Variants in CACNA1D observed in about 807,000 individuals in gnomAD.
CACNA1D encodes voltage-dependent L-type calcium channel subunit alpha-1D.
Under a neutral mutation model 257.1 loss-of-function variants are expected in CACNA1D, and 55 were observed. The observed-to-expected ratio is 0.21, with a 90% CI of 0.17 to 0.27. CACNA1D has a LOEUF of 0.27. CACNA1D is among the 10% of genes least tolerant of loss of function. The pLI, the probability that CACNA1D is intolerant of heterozygous loss-of-function variation, is 1.00. For missense variants in CACNA1D, 1,876 were observed against 2,784.0 expected (o/e 0.67, Z 7.34); for synonymous variants, 980 against 1,014.9 (o/e 0.97, Z 0.65).
intron 3 of CACNA1D, among the ~76,000 whole-genome samples, chr3:53,623,211 C>G (rs1248344975): frequency 6.6e-6 from 1 of 152,170 alleles, no homozygotes; most frequent in African/African-American, 2.4e-5. Flanking sequence ...AAAGAGAAAG[C>G]GCGGTGTATC....
intron 3 of CACNA1D, among the ~76,000 whole-genome samples, chr3:53,528,448 A>G (rs2091838635): frequency 6.6e-6 from 1 of 152,176 alleles, no homozygotes; most frequent in African/African-American, 2.4e-5. Context: ...AAGTCTAAAC[A>G]TTGGATTATA....
chr3:53,702,819 C>G lies in CACNA1D; in HGVS notation c.1390+9C>G. The G allele has an allele frequency of 6.2e-7, 1 of 1,613,992 alleles. No homozygotes were observed. The highest frequency in any genetic ancestry group is 8.5e-7 in the Non-Finnish European group (1 of 1,180,000). On this transcript the variant is annotated intron_variant, in intron 9 of 47. Transcript: ENST00000350061. ...GGAAGGCAAACGAAATAGTATGTAG[C>G]GCCTTTCCTGCCCCTGGCTAGACAG... is the stretch of plus-strand genomic sequence containing the variant.
At chr3:53,640,206 T>C (rs1463960192) in intron 3 of CACNA1D, among the ~76,000 whole-genome samples, 4 of 152,048 alleles carry the variant, frequency 2.6e-5, no homozygotes, top group Non-Finnish European at 4.4e-5. Context: ...TATTGGAGGG[T>C]TGACCTGAAC....
chr3:53,556,957 C>G (rs1464695278), intron 3 of CACNA1D, among the ~76,000 whole-genome samples: 2 of 152,088 alleles, frequency 1.3e-5, no homozygotes, highest in Non-Finnish European at 1.5e-5. Context: ...CTTAAGTGAT[C>G]AGCTCACCTT....
At chr3:53,621,902 A>G (rs1197730652) in intron 3 of CACNA1D, among the ~76,000 whole-genome samples, 1 of 152,224 alleles carries the variant, frequency 6.6e-6, no homozygotes, top group Non-Finnish European at 1.5e-5. Flanking sequence ...AGTTAAAACC[A>G]TAGGACATGC....
chr3:53,583,672 A>C (rs982769993), intron 3 of CACNA1D, among the ~76,000 whole-genome samples: 4 of 152,178 alleles, frequency 2.6e-5, no homozygotes. Context: ...ATTTATAATC[A>C]AAAGCTCTGC....
intron 5 of CACNA1D, among the ~76,000 whole-genome samples, chr3:53,664,018 G>A (rs113118971): frequency 0.019 from 2,952 of 152,098 alleles, 97 homozygotes; most frequent in African/African-American, 0.067. Context: ...CATCTGCCTC[G>A]GCCTCCCAAA....
intron 7 of CACNA1D, among the ~76,000 whole-genome samples, chr3:53,671,457 C>T (rs1426603839): frequency 6.6e-6 from 1 of 152,216 alleles, no homozygotes; most frequent in Non-Finnish European, 1.5e-5. Context: ...CACCAGGCAG[C>T]CAGTTCCTTC....
At chr3:53,566,320 C>T (rs528834874) in intron 3 of CACNA1D, among the ~76,000 whole-genome samples, 61 of 152,248 alleles carry the variant, frequency 4.0e-4, no homozygotes, top group Non-Finnish European at 8.4e-4. Flanking sequence ...TGCCAGGCAC[C>T]CTTTCACCCC....
chr3:53,660,002 C>G, intron 4 of CACNA1D, 131 bp from the exon 5 acceptor site: 176 of 691,584 alleles, frequency 2.5e-4, no homozygotes, highest in East Asian at 2.7e-4. Flanking sequence ...CAGTTCTTGT[C>G]TTTGTCTTCC....
chr3:53,684,494 A>C (rs1398325177), intron 8 of CACNA1D, among the ~76,000 whole-genome samples: 1 of 151,978 alleles, frequency 6.6e-6, no homozygotes, highest in Non-Finnish European at 1.5e-5. Context: ...GTGGTGGCGC[A>C]TGCCTGTGGT....
At chr3:53,696,156 T>TG (rs1457838038) in intron 8 of CACNA1D, among the ~76,000 whole-genome samples, 2 of 152,276 alleles carry the variant, frequency 1.3e-5, no homozygotes, top group Non-Finnish European at 1.5e-5. Flanking sequence ...TTTGTAGAGA[T>TG]GGGGTCTCAC....
intron 8 of CACNA1D, among the ~76,000 whole-genome samples, chr3:53,690,446 T>C (rs1270753542): frequency 1.3e-5 from 2 of 152,194 alleles, no homozygotes; most frequent in Admixed American, 1.3e-4. Flanking sequence ...GGTGGTCCTT[T>C]TGGGTCCTGT....
chr3:53,803,382 G>T, intron 43 of CACNA1D, 41 bp from the exon 44 acceptor site: 1 of 1,612,822 alleles, frequency 6.2e-7, no homozygotes, highest in Middle Eastern at 1.7e-4. Context: ...GGAATTATCT[G>T]CCGCCTGCCC....
chr3:53,682,391 A>AAAAAAAAAAAAC, intron 8 of CACNA1D, among the ~76,000 whole-genome samples: 1 of 140,878 alleles, frequency 7.1e-6, no homozygotes, highest in Non-Finnish European at 1.5e-5. Context: ...AAAAAAAAAA[A>AAAAAAAAAAAAC]AAAAACAGAA....
intron 8 of CACNA1D, among the ~76,000 whole-genome samples, chr3:53,678,494 T>C (rs1225819556): frequency 2.6e-5 from 4 of 152,212 alleles, no homozygotes; most frequent in Non-Finnish European, 5.9e-5. Flanking sequence ...CAATTTTGTA[T>C]TACTATAGGC....
At chr3:53,608,378 G>A (rs905256507) in intron 3 of CACNA1D, among the ~76,000 whole-genome samples, 6 of 151,892 alleles carry the variant, frequency 4.0e-5, no homozygotes, top group African/African-American at 7.3e-5. Context: ...TTACTTTTTC[G>A]GTGAATTCAT....
At chr3:53,808,358 G>A (rs975021312) in intron 45 of CACNA1D, 4 of 376,188 alleles carry the variant, frequency 1.1e-5, no homozygotes, top group Non-Finnish European at 1.5e-5. Context: ...AGCTTGCAGT[G>A]AGCTGAGATT....
At chr3:53,575,443 T>C (rs1163318794) in intron 3 of CACNA1D, among the ~76,000 whole-genome samples, 1 of 152,164 alleles carries the variant, frequency 6.6e-6, no homozygotes, top group Non-Finnish European at 1.5e-5. Flanking sequence ...AGATAGGAAC[T>C]GGATTGAATC....
Sources: allele counts gnomAD v4.1 joint callset (sites outside exome capture counted in the v4.1 genomes callset), GRCh38; gene constraint gnomAD v4.1.1; transcripts MANE v1.5; gene names NCBI Gene and HGNC (gene_info 2026-07-23, HGNC 2026-07-21).